CSF1R: variants seen among roughly 807,000 people sequenced by gnomAD.
The protein encoded by CSF1R is macrophage colony-stimulating factor 1 receptor.
CSF1R carries 40 observed loss-of-function variants against 110.0 expected under a neutral mutation model. That is an observed-to-expected ratio of 0.36 (90% CI 0.28 to 0.47). The LOEUF (loss-of-function observed/expected upper bound fraction) is 0.47, where lower values mean the gene tolerates loss of function less well. CSF1R is among the 20% of genes least tolerant of loss of function. The pLI is 0.99. For missense variants in CSF1R, 1,052 were observed against 1,253.0 expected (o/e 0.84, Z 2.42); for synonymous variants, 523 against 503.4 (o/e 1.04, Z -0.52).
chr5:150,065,453 C>G (rs891812058), intron 10 of CSF1R, among the ~76,000 whole-genome samples: 2 of 152,228 alleles, frequency 1.3e-5, no homozygotes, highest in Non-Finnish European at 2.9e-5. Flanking sequence ...CCCACGGCCC[C>G]CCTTGTGGTC....
Position 150,077,330 on chromosome 5 carries a change from C to T in CSF1R, c.835G>A (p.Val279Met), listed in dbSNP as rs3829986. 2,718 of 1,614,172 alleles carry T rather than the reference C, an allele frequency of 1.7e-3. 75 individuals are homozygous for T. The East Asian group carries it at 0.05, about 30-fold the overall frequency. ...TGCTTGCCCTGCACGTTGCTGGCCA[C>T]GCAGGAGTAGTTGCCGGCATGTTGG... ...DFQHAGNYSC[V>M]ASNVQGKHST... Residue 279 changes from valine (V) to methionine (M), a missense_variant, in exon 5 of 21, where the codon GTG becomes ATG. Transcript: ENST00000675795.
In CSF1R at chr5:150,053,494, G is replaced by A. The variant is rs1040335752; in HGVS notation, c.*575C>T. 3 of 238,796 alleles carry A rather than the reference G, an allele frequency of 1.3e-5. No individual in the cohort carries two copies. Among genetic ancestry groups the A allele is most frequent in the Non-Finnish European group, 2.5e-5 (3 of 120,970 alleles). 14.8% of individuals were successfully genotyped at this position (238,796 alleles called of 1,614,324 possible). On this transcript the variant is annotated 3_prime_UTR_variant, in exon 21 of 21. Transcript: ENST00000675795. ...AGCTGCCACTTGGCTCATTACAGCA[G>A]TACCAGTATGGGGGTGGGAGGGGTG...
Position 150,066,064 on chromosome 5 carries a change from C to T in CSF1R, c.1626+2151G>A, listed in dbSNP as rs1275496623. Among the ~76,000 whole-genome samples, 3 of 152,180 alleles carry T rather than the reference C, an allele frequency of 2.0e-5. No individual in the cohort carries two copies. The East Asian group carries it at 5.8e-4, about 29-fold the overall frequency. Reference sequence around the variant, plus strand: ...CCCGAGAGTGAGTAAGGTCCTGTCCCTGGAGGTGGGTGGGCTGGGCCAAAC... The same window carrying T: ...CCCGAGAGTGAGTAAGGTCCTGTCCTTGGAGGTGGGTGGGCTGGGCCAAAC... On this transcript the variant is annotated intron_variant, in intron 10 of 20. Coordinates refer to ENST00000675795, the MANE Select transcript of CSF1R (RefSeq NM_001288705.3).
At position 150,086,398 on chromosome 5, in the gene CSF1R, C is replaced by T. The variant is rs977205404; in HGVS notation, c.30G>A (p.Leu10=). ...TCTTACCATGCCAAGCTGTGGCCAC[C>T]AGCAGGAGCAGCAGAACTCCTGGGC... The part of the protein sequence containing the change: MGPGVLLLL[L]VATAWHGQGI... The change falls in exon 1 of 21, where the codon CTG becomes CTA. Residue 10 remains leucine, a synonymous_variant. Coordinates refer to ENST00000675795, the MANE Select transcript of CSF1R (RefSeq NM_001288705.3). 4 of 1,609,974 alleles carry T rather than the reference C, an allele frequency of 2.5e-6. No homozygotes were observed. In the South Asian group the frequency reaches 3.3e-5, roughly 13 times the overall value.
intron 1 of CSF1R, among the ~76,000 whole-genome samples, chr5:150,097,445 A>G (rs1393635039): frequency 1.3e-5 from 2 of 151,986 alleles, no homozygotes; most frequent in East Asian, 3.9e-4. Context: ...AAGAAAGAAA[A>G]AAGAAAGAAA....
chr5:150,096,391 AAAAGAAAGAAAG>A (rs532343316), intron 1 of CSF1R, among the ~76,000 whole-genome samples: 1 of 152,084 alleles, frequency 6.6e-6, no homozygotes, highest in Non-Finnish European at 1.5e-5. Flanking sequence ...ACTCCATCTC[AAAAGAAAGAAAG>A]AAAGAAAGAG....
chr5:150,055,432 A>C, intron 18 of CSF1R, 96 bp from the exon 19 acceptor site: 1 of 959,724 alleles, frequency 1.0e-6, no homozygotes, highest in East Asian at 2.4e-5. Flanking sequence ...AAAGGGTCCC[A>C]CTTGACAACA....
chr5:150,078,320 C>A, intron 3 of CSF1R, 72 bp from the exon 4 acceptor site: 1 of 1,566,076 alleles, frequency 6.4e-7, no homozygotes, highest in South Asian at 1.2e-5. Flanking sequence ...CTCCTCCCTG[C>A]CATGGGCCAG....
intron 1 of CSF1R, among the ~76,000 whole-genome samples, chr5:150,113,108 G>A (rs41508850): frequency 0.22 from 33,286 of 152,006 alleles, 5,376 homozygotes; most frequent in East Asian, 0.47. Context: ...GGGTCCCACA[G>A]GCCTGGGCTC....
chr5:150,064,441 G>T (rs1359641412), intron 10 of CSF1R, among the ~76,000 whole-genome samples: 1 of 152,178 alleles, frequency 6.6e-6, no homozygotes, highest in Admixed American at 6.5e-5. Flanking sequence ...CGGAAGGGCG[G>T]ACTGCAGGTG....
chr5:150,077,690 A>G (rs1758331696), intron 4 of CSF1R, among the ~76,000 whole-genome samples: 1 of 152,184 alleles, frequency 6.6e-6, no homozygotes, highest in South Asian at 2.1e-4. Flanking sequence ...TCTTAGAGGC[A>G]GCCCAACGTG....
intron 14 of CSF1R, among the ~76,000 whole-genome samples, chr5:150,059,111 C>A (rs1053388211): frequency 2.0e-5 from 3 of 152,160 alleles, no homozygotes; most frequent in African/African-American, 7.2e-5. Flanking sequence ...ATGGTGTGAT[C>A]TCAGCTCACA....
At chr5:150,106,998 G>A (rs1053245423) in intron 1 of CSF1R, among the ~76,000 whole-genome samples, 1 of 152,216 alleles carries the variant, frequency 6.6e-6, no homozygotes, top group Non-Finnish European at 1.5e-5. Flanking sequence ...GGTAGGGCCA[G>A]TCTCCCTTCC....
chr5:150,065,037 C>G (rs984904340), intron 10 of CSF1R, among the ~76,000 whole-genome samples: 2 of 152,306 alleles, frequency 1.3e-5, no homozygotes, highest in East Asian at 3.9e-4. Context: ...GCGGGTTCTT[C>G]CTGAGCTCTT....
intron 10 of CSF1R, 78 bp downstream of exon 10, chr5:150,068,137 T>C: frequency 9.1e-7 from 1 of 1,099,488 alleles, no homozygotes; most frequent in African/African-American, 1.5e-5. Flanking sequence ...GGAGGAAGGG[T>C]GAATCCATGC....
intron 3 of CSF1R, 146 bp downstream of exon 3, chr5:150,079,906 C>T (rs1405825623): frequency 4.9e-6 from 5 of 1,013,262 alleles, no homozygotes; most frequent in Non-Finnish European, 7.1e-6. Context: ...CATAGATGAT[C>T]GTGGAACCAT....
chr5:150,071,110 GTTA>G (rs1376491187), intron 6 of CSF1R, among the ~76,000 whole-genome samples: 1 of 152,156 alleles, frequency 6.6e-6, no homozygotes, highest in African/African-American at 2.4e-5. Context: ...GATATCGATG[GTTA>G]TTAATTCACA....
intron 9 of CSF1R, among the ~76,000 whole-genome samples, 160 bp from the exon 10 acceptor site, chr5:150,068,490 C>A (rs1308404812): frequency 6.6e-6 from 1 of 152,158 alleles, no homozygotes; most frequent in African/African-American, 2.4e-5. Context: ...TCCTGCACAC[C>A]CTCCCCGAGA....
intron 1 of CSF1R, among the ~76,000 whole-genome samples, chr5:150,095,745 A>T (rs1393983510): frequency 2.0e-5 from 3 of 147,686 alleles, no homozygotes; most frequent in African/African-American, 7.6e-5. Context: ...TGGAAAAAAA[A>T]GTAATAACAT....
Sources: gnomAD v4.1 joint callset for allele counts (sites outside exome capture counted in the v4.1 genomes callset) on GRCh38, gnomAD v4.1.1 for gene constraint, MANE v1.5 for transcripts, NCBI Gene and HGNC (gene_info 2026-07-23, HGNC 2026-07-21) for gene names.